Variants in CLPB observed in about 807,000 individuals in gnomAD.
CLPB encodes the protein mitochondrial disaggregase.
Under a neutral mutation model 78.4 loss-of-function variants are expected in CLPB, and 40 were observed. The observed-to-expected ratio is 0.51, with a 90% CI of 0.40 to 0.66. CLPB has a LOEUF of 0.66. Ranked by LOEUF, CLPB falls within the 30% of genes least tolerant of loss-of-function variation. CLPB has a pLI of 0.00. For synonymous variants in CLPB, 333 were observed against 348.0 expected (o/e 0.96, Z 0.48); for missense variants, 780 against 886.9 (o/e 0.88, Z 1.53).
chr11:72,305,445 A>G (rs760815926), intron 9 of CLPB, among the ~76,000 whole-genome samples: 5 of 152,384 alleles, frequency 3.3e-5, no homozygotes, highest in Admixed American at 6.5e-5. Flanking sequence ...ATGTGATGAC[A>G]TAAGTGATGA....
chr11:72,286,922 G>A lies in CLPB; in HGVS notation c.*6445C>T, dbSNP rs1241378762. The stretch of plus-strand genomic sequence containing the variant: ...TCTGAAAACAAGGACGTTCTCTTCT[G>A]TAATCATAGTATAATTATCAAAATG... On this transcript the variant is annotated 3_prime_UTR_variant, in exon 16 of 16. Transcript: ENST00000538039. 6.6e-6 allele frequency: 1 copy of A among 151,946 alleles called. No individual in the cohort carries two copies. Among genetic ancestry groups the A allele is most frequent in the Non-Finnish European group, 1.5e-5 (1 of 68,004 alleles). 9.4% of individuals were successfully genotyped at this position (151,946 alleles called of 1,614,324 possible).
chr11:72,346,480 A>G (rs1353921277), intron 5 of CLPB, among the ~76,000 whole-genome samples: 1 of 152,076 alleles, frequency 6.6e-6, no homozygotes, highest in African/African-American at 2.4e-5. Flanking sequence ...CAACAAAAAA[A>G]TCCGAGGGCT....
rs186611924 is a variant in CLPB, at chr11:72,356,232, C to T, written c.775+2648G>A. On this transcript the variant is annotated intron_variant, in intron 5 of 15. Coordinates refer to ENST00000538039, the MANE Select transcript of CLPB (RefSeq NM_001258392.3). ...GGCGGAGGTTGTGGCAAGCCGAGATCGCGCCATTGCACTCCAGCCTGGGCA... is the reference window on the plus strand; with the variant it reads ...GGCGGAGGTTGTGGCAAGCCGAGATTGCGCCATTGCACTCCAGCCTGGGCA... Among the ~76,000 whole-genome samples, 342 of 150,752 alleles carry T rather than the reference C, an allele frequency of 2.3e-3. 1 individual carries two copies. The highest frequency in any genetic ancestry group is 3.8e-3 in the Non-Finnish European group (256 of 67,840).
rs551951486 is a variant in CLPB, at chr11:72,369,865, G to A, written c.646+10416C>T. On this transcript the variant is annotated intron_variant, in intron 4 of 15. Coordinates refer to ENST00000538039, the MANE Select transcript of CLPB (RefSeq NM_001258392.3). The stretch of plus-strand genomic sequence containing the variant: ...AGAATAATGAACTGCGTGCGTCAGG[G>A]AAGATGAATCTGAGATACTAGGGAG... Among the ~76,000 whole-genome samples, 214 of 152,276 alleles carry A rather than the reference G, an allele frequency of 1.4e-3. 1 individual carries two copies. The highest frequency in any genetic ancestry group is 1.8e-3 in the Non-Finnish European group (125 of 68,028).
At chr11:72,416,747 A>T (rs553599525) in intron 2 of CLPB, among the ~76,000 whole-genome samples, 1 of 150,904 alleles carries the variant, frequency 6.6e-6, no homozygotes, top group East Asian at 1.9e-4. Context: ...AAAAAAAAAA[A>T]AAAAAAAAGA....
chr11:72,418,696 A>T (rs1021153384), intron 2 of CLPB, among the ~76,000 whole-genome samples: 4 of 152,066 alleles, frequency 2.6e-5, no homozygotes, highest in Non-Finnish European at 4.4e-5. Context: ...CTCTACTAAA[A>T]ATACAAAAAT....
intron 6 of CLPB, among the ~76,000 whole-genome samples, chr11:72,319,976 C>T (rs969505286): frequency 1.3e-5 from 2 of 152,182 alleles, no homozygotes; most frequent in African/African-American, 4.8e-5. Flanking sequence ...AGCCATGAGC[C>T]GAGTCCACTT....
chr11:72,379,395 C>G (rs769452961), intron 4 of CLPB, among the ~76,000 whole-genome samples: 1 of 152,146 alleles, frequency 6.6e-6, no homozygotes, highest in Non-Finnish European at 1.5e-5. Context: ...TCTGGATAAA[C>G]GAAAGCTCAA....
chr11:72,426,173 A>G (rs1856369456), intron 2 of CLPB, among the ~76,000 whole-genome samples: 1 of 152,248 alleles, frequency 6.6e-6, no homozygotes, highest in African/African-American at 2.4e-5. Context: ...AACTGAGGTA[A>G]GCACTCAGCA....
chr11:72,319,910 T>G (rs1179557280), intron 6 of CLPB, among the ~76,000 whole-genome samples: 2 of 152,174 alleles, frequency 1.3e-5, no homozygotes, highest in African/African-American at 4.8e-5. Context: ...TTTAACTAAT[T>G]TAATTGTGGG....
chr11:72,431,769 C>G (rs1287920823), intron 1 of CLPB, among the ~76,000 whole-genome samples: 1 of 152,176 alleles, frequency 6.6e-6, no homozygotes, highest in Non-Finnish European at 1.5e-5. Flanking sequence ...AGAACCAGGG[C>G]CTCCTGGCTT....
Position 72,385,835 on chromosome 11 carries a change from T to TA in CLPB, c.543-5452dup, listed in dbSNP as rs565407461. On this transcript the variant is annotated intron_variant, in intron 3 of 15. Transcript: ENST00000538039. The stretch of plus-strand genomic sequence containing the variant: ...AGACGCCGTCTCAAACAAACAACAA[T>TA]AAAAAAACCCACATTGTTTTAAATG... Among the ~76,000 whole-genome samples, 53 of 152,132 alleles carry TA rather than the reference T, an allele frequency of 3.5e-4. 1 individual carries two copies. The East Asian group carries it at 8.3e-3, about 24-fold the overall frequency.
intron 4 of CLPB, among the ~76,000 whole-genome samples, chr11:72,361,622 A>G (rs1300266473): frequency 6.6e-6 from 1 of 152,262 alleles, no homozygotes; most frequent in Non-Finnish European, 1.5e-5. Flanking sequence ...CAGCACCTCA[A>G]AAGCCCCTAA....
chr11:72,353,552 G>T (rs1182664518), intron 5 of CLPB, among the ~76,000 whole-genome samples: 1 of 152,216 alleles, frequency 6.6e-6, no homozygotes, highest in African/African-American at 2.4e-5. Flanking sequence ...TGGTTTTGGA[G>T]ATTTATCAGT....
In CLPB at chr11:72,426,444, T is replaced by C. The variant is rs575665943; in HGVS notation, c.455+3868A>G. On this transcript the variant is annotated intron_variant, in intron 2 of 15. Coordinates refer to ENST00000538039, the MANE Select transcript of CLPB (RefSeq NM_001258392.3). ...CAGGAGCAGGACCACCTGCTCACAC[T>C]GCTGACAGGTAGGAGGCCAGGCTTC... Among the ~76,000 whole-genome samples, 475 of 151,740 alleles carry C rather than the reference T, an allele frequency of 3.1e-3. 4 individuals are homozygous for C. The highest frequency in any genetic ancestry group is 0.014 in the South Asian group (68 of 4,778).
intron 2 of CLPB, among the ~76,000 whole-genome samples, chr11:72,427,539 A>G (rs1856421055): frequency 6.6e-6 from 1 of 152,204 alleles, no homozygotes; most frequent in African/African-American, 2.4e-5. Context: ...GTGACGTTGT[A>G]ACTGTCTCAA....
chr11:72,298,055 C>T (rs7111227), intron 11 of CLPB, among the ~76,000 whole-genome samples: 63,696 of 151,818 alleles, frequency 0.42, 13,629 homozygotes, highest in South Asian at 0.52. Flanking sequence ...AATGCTCACC[C>T]CAGGGTTATG....
intron 11 of CLPB, 67 bp from the exon 12 acceptor site, chr11:72,295,715 A>C: frequency 6.6e-7 from 1 of 1,518,112 alleles, no homozygotes; most frequent in Middle Eastern, 1.7e-4. Flanking sequence ...TAGCACTCTC[A>C]GTTCTCACCT....
chr11:72,358,195 A>C (rs562115786), intron 5 of CLPB, among the ~76,000 whole-genome samples: 59 of 152,282 alleles, frequency 3.9e-4, no homozygotes, highest in African/African-American at 1.3e-3. Flanking sequence ...ATGTTCTCCA[A>C]AGGGAGGGTA....
Sources: allele counts gnomAD v4.1 joint callset (sites outside exome capture counted in the v4.1 genomes callset), GRCh38; gene constraint gnomAD v4.1.1; transcripts MANE v1.5; gene names NCBI Gene and HGNC (gene_info 2026-07-23, HGNC 2026-07-21).